ATRNL1: variants seen among roughly 807,000 people sequenced by gnomAD.
ATRNL1 encodes the protein attractin-like protein 1.
ATRNL1 carries 95 observed loss-of-function variants against 182.7 expected under a neutral mutation model. The ratio of observed to expected loss-of-function variants is 0.52; its 90% CI spans 0.44 to 0.62. The LOEUF is 0.62. Among genes scored for constraint, ATRNL1 ranks in the 20% least tolerant of loss-of-function variants. The pLI, the probability that ATRNL1 is intolerant of heterozygous loss-of-function variation, is 0.00. For missense variants in ATRNL1, 1,471 were observed against 1,679.5 expected, an observed-to-expected ratio of 0.88 and a Z score of 2.17; for synonymous variants, 576 against 568.3, an observed-to-expected ratio of 1.01 and a Z score of -0.19.
intron 1 of ATRNL1, among the ~76,000 whole-genome samples, chr10:115,097,917 C>T (rs1387916036): frequency 6.6e-6 from 1 of 152,080 alleles, no homozygotes; most frequent in Non-Finnish European, 1.5e-5. Flanking sequence ...GAGCGAGACT[C>T]CGTCTCAAAA....
chr10:115,363,686 G>A (rs1456598931), intron 19 of ATRNL1, among the ~76,000 whole-genome samples: 1 of 152,156 alleles, frequency 6.6e-6, no homozygotes, highest in Admixed American at 6.5e-5. Flanking sequence ...ATCTTCAATT[G>A]ATTTTTGTAT....
At chr10:115,859,697 G>T (rs1951267735) in intron 28 of ATRNL1, among the ~76,000 whole-genome samples, 1 of 152,172 alleles carries the variant, frequency 6.6e-6, no homozygotes, top group Non-Finnish European at 1.5e-5. Flanking sequence ...TATACTGATA[G>T]CTGGTTTAAT....
chr10:115,904,601 C>A (rs1304920374), intron 28 of ATRNL1, among the ~76,000 whole-genome samples: 3 of 152,202 alleles, frequency 2.0e-5, no homozygotes, highest in Admixed American at 1.3e-4. Context: ...GGCTCAAAAT[C>A]TATTTCCTAT....
At chr10:115,814,895 G>GT (rs1486674540) in intron 27 of ATRNL1, among the ~76,000 whole-genome samples, 1 of 152,092 alleles carries the variant, frequency 6.6e-6, no homozygotes, top group Non-Finnish European at 1.5e-5. Flanking sequence ...AAAGATGATT[G>GT]TAATGTCTAC....
intron 8 of ATRNL1, among the ~76,000 whole-genome samples, chr10:115,190,150 C>T (rs1337607640): frequency 6.6e-6 from 1 of 152,090 alleles, no homozygotes; most frequent in African/African-American, 2.4e-5. Context: ...AATTGCCTAA[C>T]AGTGCATTTC....
At chr10:115,128,989 A>G (rs1206466027) in intron 4 of ATRNL1, among the ~76,000 whole-genome samples, 1 of 152,158 alleles carries the variant, frequency 6.6e-6, no homozygotes, top group Non-Finnish European at 1.5e-5. Flanking sequence ...TTTTTTCTGT[A>G]AAATATACAA....
chr10:115,367,480 C>G (rs1484442212), intron 19 of ATRNL1, among the ~76,000 whole-genome samples: 7 of 150,256 alleles, frequency 4.7e-5, no homozygotes, highest in Non-Finnish European at 1.0e-4. Flanking sequence ...TCCCATAGCT[C>G]AGAGTAATTT....
At chr10:115,182,985 C>G (rs985131300) in intron 8 of ATRNL1, among the ~76,000 whole-genome samples, 1 of 151,142 alleles carries the variant, frequency 6.6e-6, no homozygotes, top group East Asian at 1.9e-4. Context: ...CAATACAGCC[C>G]GATTATAGAG....
chr10:115,913,003 G>A (rs1211524132), intron 28 of ATRNL1, among the ~76,000 whole-genome samples: 1 of 152,158 alleles, frequency 6.6e-6, no homozygotes, highest in Non-Finnish European at 1.5e-5. Flanking sequence ...CAGACAAATT[G>A]TGAGATAATG....
chr10:115,891,978 C>A (rs561992161), intron 28 of ATRNL1, among the ~76,000 whole-genome samples: 1 of 152,188 alleles, frequency 6.6e-6, no homozygotes, highest in African/African-American at 2.4e-5. Flanking sequence ...ATGGTAGATG[C>A]AGGGTAAGAA....
rs1490607998 is a variant in ATRNL1, at chr10:115,722,633, T to C, written c.3796-4615T>C. Among the ~76,000 whole-genome samples, 5 of 152,200 alleles carry C rather than the reference T, an allele frequency of 3.3e-5. No homozygotes were observed. The East Asian group carries it at 9.6e-4, about 29-fold the overall frequency. On this transcript the variant is annotated intron_variant, in intron 26 of 28. Coordinates refer to ENST00000355044, the MANE Select transcript of ATRNL1 (RefSeq NM_207303.4). ...CATAATCTTTTCTTCAGAGGCTTTA[T>C]TTTAGTTTGTAGCTCAAAACTAATG...
At chr10:115,516,165 A>G (rs186863561) in intron 24 of ATRNL1, among the ~76,000 whole-genome samples, 14 of 151,984 alleles carry the variant, frequency 9.2e-5, no homozygotes, top group Admixed American at 7.9e-4. Context: ...CACATTTAAC[A>G]TATTCTAAGT....
chr10:115,680,552 A>G (rs1176575675), intron 26 of ATRNL1, among the ~76,000 whole-genome samples: 2 of 152,146 alleles, frequency 1.3e-5, no homozygotes, highest in African/African-American at 4.8e-5. Context: ...CTTAAAGTAT[A>G]TGCAGTTATG....
At chr10:115,821,126 CA>C (rs1259523918) in intron 27 of ATRNL1, among the ~76,000 whole-genome samples, 1 of 152,116 alleles carries the variant, frequency 6.6e-6, no homozygotes, top group African/African-American at 2.4e-5. Flanking sequence ...AACTATGAGT[CA>C]ATTAAACCTC....
At position 115,116,205 on chromosome 10, in the gene ATRNL1, G is replaced by A. The variant is rs573286768; in HGVS notation, c.294-3980G>A. Among the ~76,000 whole-genome samples, 10 of 152,136 alleles carry A rather than the reference G, an allele frequency of 6.6e-5. No individual in the cohort carries two copies. In the East Asian group the frequency reaches 1.9e-3, roughly 29 times the overall value. ...AAAGTTCATTTACACAAACAGGCTA[G>A]TAGTTTATGTAGTACTGATCTAGAT... On this transcript the variant is annotated intron_variant, in intron 1 of 28. Transcript: ENST00000355044.
At chr10:115,834,771 T>C (rs144504673) in intron 27 of ATRNL1, among the ~76,000 whole-genome samples, 59 of 152,312 alleles carry the variant, frequency 3.9e-4, no homozygotes, top group African/African-American at 1.4e-3. Context: ...ATCTTCAAGA[T>C]AATGAATTCT....
At chr10:115,213,071 A>C (rs1208825615) in intron 8 of ATRNL1, among the ~76,000 whole-genome samples, 1 of 152,102 alleles carries the variant, frequency 6.6e-6, no homozygotes, top group African/African-American at 2.4e-5. Context: ...TTTTTAGATA[A>C]TTTTAACATC....
At chr10:115,846,297 A>C (rs1447544095) in intron 27 of ATRNL1, among the ~76,000 whole-genome samples, 6 of 152,198 alleles carry the variant, frequency 3.9e-5, no homozygotes, top group African/African-American at 1.2e-4. Flanking sequence ...GCTATAAAGG[A>C]GAAATCCTTT....
At chr10:115,351,024 G>T (rs1430511207) in intron 19 of ATRNL1, among the ~76,000 whole-genome samples, 2 of 151,898 alleles carry the variant, frequency 1.3e-5, no homozygotes, top group African/African-American at 4.8e-5. Context: ...TTTTAAATGG[G>T]ATTACTTTTT....
Sources: gnomAD v4.1 joint callset for allele counts (sites outside exome capture counted in the v4.1 genomes callset) on GRCh38, gnomAD v4.1.1 for gene constraint, MANE v1.5 for transcripts, NCBI Gene and HGNC (gene_info 2026-07-23, HGNC 2026-07-21) for gene names.